UTP18: variants seen among roughly 807,000 people sequenced by gnomAD.
UTP18 encodes the protein U3 small nucleolar RNA-associated protein 18 homolog.
Under a neutral mutation model 61.1 loss-of-function variants are expected in UTP18, and 36 were observed. The observed-to-expected ratio is 0.59, with a 90% confidence interval of 0.45 to 0.78. The LOEUF is 0.78. UTP18 is among the 30% of genes least tolerant of loss of function. The pLI is 0.00. For synonymous variants in UTP18, 282 were observed against 251.1 expected (o/e 1.12, Z -1.16); for missense variants, 753 against 693.9 (o/e 1.09, Z -0.96).
chr17:51,265,351 C>T (rs371342888), intron 2 of UTP18, among the ~76,000 whole-genome samples: 50 of 151,308 alleles, frequency 3.3e-4, no homozygotes, highest in South Asian at 1.5e-3. Flanking sequence ...GCAGCTTCTG[C>T]TTCCCAGGTT....
chr17:51,265,524 A>G (rs1568264128), intron 2 of UTP18, among the ~76,000 whole-genome samples: 1 of 149,140 alleles, frequency 6.7e-6, no homozygotes, highest in Non-Finnish European at 1.5e-5. Context: ...CTGCCTCCCA[A>G]AGTGCTGGGA....
At chr17:51,280,175 A>G (rs1904865956) in intron 8 of UTP18, 70 bp downstream of exon 8, 13 of 1,480,924 alleles carry the variant, frequency 8.8e-6, no homozygotes, top group Admixed American at 1.9e-5. Context: ...TTGCACCTTA[A>G]CTCAGTGTGT....
intron 9 of UTP18, among the ~76,000 whole-genome samples, chr17:51,283,377 A>G (rs1245092640): frequency 1.3e-5 from 2 of 152,012 alleles, no homozygotes; most frequent in Admixed American, 1.3e-4. Context: ...CATGTTGGCC[A>G]GGCTGGTCTT....
intron 6 of UTP18, 82 bp downstream of exon 6, chr17:51,276,073 A>G: frequency 1.5e-6 from 2 of 1,363,726 alleles, no homozygotes; most frequent in Non-Finnish European, 2.0e-6. Context: ...AAATGCAAAA[A>G]TACTGAAAAA....
intron 8 of UTP18, 34 bp downstream of exon 8, chr17:51,280,139 C>A (rs954860329): frequency 6.3e-7 from 1 of 1,579,764 alleles, no homozygotes; most frequent in Non-Finnish European, 8.7e-7. Flanking sequence ...GTTCTTCTCC[C>A]ACAAGACACT....
At chr17:51,278,204 A>G (rs923851857) in intron 7 of UTP18, among the ~76,000 whole-genome samples, 3 of 152,094 alleles carry the variant, frequency 2.0e-5, no homozygotes, top group Admixed American at 6.6e-5. Flanking sequence ...CTCAGAAGTA[A>G]ATGTGCACGT....
chr17:51,264,003 A>G (rs2055534475), intron 2 of UTP18, among the ~76,000 whole-genome samples: 1 of 150,194 alleles, frequency 6.7e-6, no homozygotes, highest in South Asian at 2.1e-4. Flanking sequence ...TTACGTGGCT[A>G]TTGTTGGGTA....
intron 1 of UTP18, among the ~76,000 whole-genome samples, chr17:51,262,561 C>T (rs777909202): frequency 2.6e-5 from 4 of 152,100 alleles, no homozygotes; most frequent in Non-Finnish European, 5.9e-5. Context: ...TAACTGGTTG[C>T]TCTTCTTGTT....
rs904253970 is a variant in UTP18, at chr17:51,268,779, A to G, written c.555-58A>G. The G allele has an allele frequency of 5.6e-6, 8 of 1,429,916 alleles. No homozygotes were observed. The African/African-American group carries it at 8.5e-5, about 15-fold the overall frequency. The allele number at this position is 1,429,916 out of a possible 1,614,324, so 88.6% of individuals were successfully genotyped here. ...TCAACGTATATGCTTTAAATGTATC[A>G]AGCTTTATGGACATGTAGTGGTTGC... On this transcript the variant is annotated intron_variant, in intron 3 of 13. Coordinates refer to ENST00000225298, the MANE Select transcript of UTP18 (RefSeq NM_016001.3).
At position 51,264,065 on chromosome 17, in the gene UTP18, C is replaced by G. The variant is rs534153455; in HGVS notation, c.455+679C>G. 5.4e-5 allele frequency among the ~76,000 whole-genome samples: 8 copies of G among 146,826 alleles called. No individual in the cohort carries two copies. The East Asian group carries it at 1.6e-3, about 29-fold the overall frequency. ...TTAATTATTTTTTTTGAAACAGAGT[C>G]TTGCTGTTTCACCTAGGCTGGAGTG... On this transcript the variant is annotated intron_variant, in intron 2 of 13. Coordinates refer to ENST00000225298, the MANE Select transcript of UTP18 (RefSeq NM_016001.3).
At chr17:51,280,951 G>C (rs1350960180) in intron 9 of UTP18, among the ~76,000 whole-genome samples, 4 of 151,728 alleles carry the variant, frequency 2.6e-5, no homozygotes, top group African/African-American at 9.7e-5. Context: ...GCTGAGGCGA[G>C]TGGATCGTTT....
chr17:51,277,290 T>C lies in UTP18; in HGVS notation c.998T>C (p.Val333Ala), dbSNP rs368863426. 35 of 1,613,874 alleles carry C rather than the reference T, an allele frequency of 2.2e-5. No homozygotes were observed. The highest frequency in any genetic ancestry group is 2.9e-5 in the Non-Finnish European group (34 of 1,179,944). Reference sequence around the variant, plus strand: ...ATGCTGGCTGGAAAGTTAATTCCTGTGCATCAAGTGAGAGGTAAGATTTCT... The same window carrying C: ...ATGCTGGCTGGAAAGTTAATTCCTGCGCATCAAGTGAGAGGTAAGATTTCT... ...YDMLAGKLIP[V>A]HQVRGLKEKI... The change falls in exon 7 of 14, where the codon GTG becomes GCG. Residue 333 changes from valine to alanine, a missense_variant. Val to Ala is a moderately conservative substitution (Grantham distance 64, BLOSUM62 0). Coordinates refer to ENST00000225298, the MANE Select transcript of UTP18 (RefSeq NM_016001.3).
chr17:51,279,795 G>A (rs1364233099), intron 7 of UTP18, among the ~76,000 whole-genome samples: 1 of 152,220 alleles, frequency 6.6e-6, no homozygotes, highest in Non-Finnish European at 1.5e-5. Context: ...GGACAAAGAA[G>A]AGAAGTTTGT....
Position 51,288,142 on chromosome 17 carries a change from T to G in UTP18, c.1442T>G (p.Phe481Cys). The part of the protein sequence containing the change: ...NLVTGVTSLT[F>C]NPTTEILAIA... ...GTTACAGGTGTTACTTCTCTGACCT[T>G]CAATCCTACTACAGAAATCTTGGCA... Residue 481 changes from phenylalanine (F) to cysteine (C), a missense_variant, in exon 11 of 14, where the codon TTC becomes TGC. Physicochemically the swap from Phe to Cys is radical, Grantham distance 205 (BLOSUM62 -2). Transcript: ENST00000225298. 1 of 1,609,020 alleles carries G rather than the reference T, an allele frequency of 6.2e-7. No individual in the cohort carries two copies. The highest frequency in any genetic ancestry group is 8.5e-7 in the Non-Finnish European group (1 of 1,178,874).
At chr17:51,282,867 C>CTTTTTTTTTTTTTTTTTTTTTT (rs534175274) in intron 9 of UTP18, among the ~76,000 whole-genome samples, 1 of 120,692 alleles carries the variant, frequency 8.3e-6, no homozygotes, top group African/African-American at 2.8e-5. Flanking sequence ...TCTTCTTCTT[C>CTTTTTTTTTTTTTTTTTTTTTT]TTTTTTTTTT....
Position 51,276,009 on chromosome 17 carries a change from CTTAT to C in UTP18, c.837+25_837+28del. 1 of 1,584,284 alleles carries C rather than the reference CTTAT, an allele frequency of 6.3e-7. No homozygotes were observed. On this transcript the variant is annotated intron_variant, in intron 6 of 13. Transcript: ENST00000225298. The stretch of plus-strand genomic sequence containing the variant: ...TATTTCAGGTATGCATCTTTATTTA[CTTAT>C]TTATTTCTAATGCATTATTTTTATT...
chr17:51,283,020 C>T (rs928344278), intron 9 of UTP18, among the ~76,000 whole-genome samples: 5 of 151,824 alleles, frequency 3.3e-5, no homozygotes, highest in Non-Finnish European at 2.9e-5. Context: ...AGGCGCATAC[C>T]GCCATACCCA....
In UTP18 at chr17:51,263,357, G is replaced by A; in HGVS notation, c.426G>A (p.Trp142Ter). 1 of 1,614,086 alleles carries A rather than the reference G, an allele frequency of 6.2e-7. No homozygotes were observed. Among genetic ancestry groups the A allele is most frequent in the Admixed American group, 1.7e-5 (1 of 60,024 alleles). ...GNFPPQKKPV[W>*]VDEEDEDEEM... ...TTCCACCTCAAAAGAAGCCAGTTTG[G>A]GTGGATGAAGAAGATGAAGATGAGG... The change falls in exon 2 of 14, where the codon TGG becomes TGA. Residue 142 changes from tryptophan (W) to a stop codon, truncating the protein, a stop_gained. Transcript: ENST00000225298. LOFTEE classifies it high-confidence loss of function.
At chr17:51,267,207 C>T (rs1330609544) in intron 3 of UTP18, among the ~76,000 whole-genome samples, 1 of 152,188 alleles carries the variant, frequency 6.6e-6, no homozygotes, top group Non-Finnish European at 1.5e-5. Context: ...AAGCGATCTG[C>T]CCTTCTTGGC....
Sources: gnomAD v4.1 joint callset for allele counts (sites outside exome capture counted in the v4.1 genomes callset) on GRCh38, gnomAD v4.1.1 for gene constraint, MANE v1.5 for transcripts, NCBI Gene and HGNC (gene_info 2026-07-23, HGNC 2026-07-21) for gene names.